Variants in MACROD1 observed in about 807,000 individuals in gnomAD.
MACROD1 encodes mono-ADP ribosylhydrolase 1, also known as ADP-ribose glycohydrolase MACROD1.
MACROD1 carries 31 observed loss-of-function variants against 41.4 expected under a neutral mutation model. That is an observed-to-expected ratio of 0.75 (90% CI 0.56 to 1.01). The LOEUF (loss-of-function observed/expected upper bound fraction) is 1.01, where lower values mean the gene tolerates loss of function less well. Ranked by LOEUF, MACROD1 falls within the 50% of genes least tolerant of loss-of-function variation. The probability of loss-of-function intolerance (pLI) is 0.00; values close to 1 mark genes in which losing one functional copy is unlikely to be tolerated. For missense variants in MACROD1, 473 were observed against 460.0 expected, an observed-to-expected ratio of 1.03 and a Z score of -0.26; for synonymous variants, 252 against 203.4, an observed-to-expected ratio of 1.24 and a Z score of -2.03.
At position 64,146,282 on chromosome 11, in the gene MACROD1, G is replaced by A. The variant is rs985478955; in HGVS notation, c.517+4957C>T. 1.3e-5 allele frequency among the ~76,000 whole-genome samples: 2 copies of A among 152,106 alleles called. No homozygotes were observed. Among genetic ancestry groups the A allele is most frequent in the Non-Finnish European group, 2.9e-5 (2 of 68,002 alleles). On this transcript the variant is annotated intron_variant, in intron 3 of 10. Transcript: ENST00000255681. The surrounding 1 kb of genome is among the most constrained non-coding windows in gnomAD (Gnocchi z 4.7). ...CCCTAGTGGATACCCTGAGACCGGC[G>A]CTCTCCCCAGACACAGGACTGAGGT...
intron 3 of MACROD1, among the ~76,000 whole-genome samples, chr11:64,138,846 C>T (rs1226372008): frequency 1.3e-5 from 2 of 152,078 alleles, no homozygotes; most frequent in African/African-American, 4.8e-5. Flanking sequence ...CAGCTCACTG[C>T]AACTTCTGCC....
chr11:64,039,420 C>T (rs376159097), intron 3 of MACROD1, among the ~76,000 whole-genome samples: 4 of 152,088 alleles, frequency 2.6e-5, no homozygotes, highest in Non-Finnish European at 5.9e-5. Flanking sequence ...CGGGTGGTAG[C>T]GGGGGGTCCC....
chr11:64,056,132 G>A (rs769889176), intron 3 of MACROD1, among the ~76,000 whole-genome samples: 17 of 152,252 alleles, frequency 1.1e-4, no homozygotes, highest in Non-Finnish European at 1.9e-4. Flanking sequence ...AAGCAGCCCC[G>A]GCAGTTGGGA....
chr11:64,024,170 C>T (rs1054944980), intron 3 of MACROD1, among the ~76,000 whole-genome samples: 4 of 152,216 alleles, frequency 2.6e-5, no homozygotes, highest in Admixed American at 6.5e-5. Context: ...ACAAGAGAAA[C>T]GCAAGTCAGC....
At chr11:64,007,185 G>C (rs1323124673) in intron 4 of MACROD1, among the ~76,000 whole-genome samples, 3 of 152,198 alleles carry the variant, frequency 2.0e-5, no homozygotes, top group Non-Finnish European at 2.9e-5. Flanking sequence ...CAAAAAATGC[G>C]TACGAGGGCT....
chr11:64,144,977 G>A (rs975765389), intron 3 of MACROD1, among the ~76,000 whole-genome samples: 1 of 152,204 alleles, frequency 6.6e-6, no homozygotes, highest in African/African-American at 2.4e-5. Flanking sequence ...GGACGCAGGG[G>A]CGGGTGGCCG....
At chr11:64,033,064 A>C (rs745393928) in intron 3 of MACROD1, among the ~76,000 whole-genome samples, 1 of 152,078 alleles carries the variant, frequency 6.6e-6, no homozygotes, top group East Asian at 1.9e-4. Flanking sequence ...TCCAAGACCC[A>C]GGTCAAGAGG....
At chr11:64,086,844 G>A (rs1256133940) in intron 3 of MACROD1, 2 of 152,192 alleles carry the variant, frequency 1.3e-5, no homozygotes, top group Non-Finnish European at 2.9e-5. Flanking sequence ...CGGTGCTAGG[G>A]GTGGCGGCTG....
intron 3 of MACROD1, among the ~76,000 whole-genome samples, chr11:64,132,273 T>C (rs910906737): frequency 6.6e-6 from 1 of 151,994 alleles, no homozygotes; most frequent in Non-Finnish European, 1.5e-5. Context: ...AAGCCTATTA[T>C]GGAGGCTCCC....
rs193279280 is a variant in MACROD1, at chr11:64,002,459, C to T, written c.548-2116G>A. 4.2e-4 allele frequency among the ~76,000 whole-genome samples: 64 copies of T among 152,296 alleles called. 1 individual carries two copies. The East Asian group carries it at 0.012, about 28-fold the overall frequency. On this transcript the variant is annotated intron_variant, in intron 4 of 10. Transcript: ENST00000255681. ...CCAGATGCCCCCTCCTCACCCCCAG[C>T]AGTTCCAGAACAGGGCCTGGGCCAG...
At chr11:64,100,657 A>T (rs1944655518) in intron 3 of MACROD1, among the ~76,000 whole-genome samples, 1 of 152,216 alleles carries the variant, frequency 6.6e-6, no homozygotes, top group Non-Finnish European at 1.5e-5. Flanking sequence ...ACTAATGATC[A>T]TCATTATGCG....
chr11:64,042,214 C>T (rs1943501222), intron 3 of MACROD1, among the ~76,000 whole-genome samples: 2 of 152,202 alleles, frequency 1.3e-5, no homozygotes, highest in African/African-American at 4.8e-5. Context: ...ACCTAACCCA[C>T]CTTCCTCTCC....
At chr11:64,088,270 C>T (rs1347354575) in intron 3 of MACROD1, among the ~76,000 whole-genome samples, 2 of 152,122 alleles carry the variant, frequency 1.3e-5, no homozygotes, top group Non-Finnish European at 2.9e-5. Context: ...CCAGGGGAGC[C>T]GTAGCCAGGA....
chr11:64,110,759 C>T (rs1944847987), intron 3 of MACROD1, among the ~76,000 whole-genome samples: 1 of 152,148 alleles, frequency 6.6e-6, no homozygotes, highest in Non-Finnish European at 1.5e-5. Context: ...ACAAGCGATC[C>T]CATAAAAGAT....
At chr11:64,008,915 G>A (rs1942958086) in intron 4 of MACROD1, 1 of 152,256 alleles carries the variant, frequency 6.6e-6, no homozygotes, top group African/African-American at 2.4e-5. Context: ...CCAGGCCGGA[G>A]TAGAGATGGC....
intron 3 of MACROD1, among the ~76,000 whole-genome samples, chr11:64,109,425 C>A (rs1164009039): frequency 6.6e-6 from 1 of 152,144 alleles, no homozygotes; most frequent in African/African-American, 2.4e-5. Flanking sequence ...GGCCTCTCCC[C>A]ACTCGTGACA....
intron 3 of MACROD1, among the ~76,000 whole-genome samples, chr11:64,017,598 G>A (rs913352899): frequency 6.6e-6 from 1 of 152,136 alleles, no homozygotes. Context: ...AGCCCCAGAT[G>A]CAGCCTCCAC....
chr11:64,084,002 G>C lies in MACROD1; in HGVS notation c.517+67237C>G, dbSNP rs561069018. On this transcript the variant is annotated intron_variant, in intron 3 of 10. Coordinates refer to ENST00000255681, the MANE Select transcript of MACROD1 (RefSeq NM_014067.4). ...TTTACACAACTGGAACACGTGCTGGGTTCCGGCCTTTCACTGGTCCCTCAG... is the reference window on the plus strand; with the variant it reads ...TTTACACAACTGGAACACGTGCTGGCTTCCGGCCTTTCACTGGTCCCTCAG... Among the ~76,000 whole-genome samples, 3 of 32,738 alleles carry C rather than the reference G, an allele frequency of 9.2e-5. No individual in the cohort carries two copies. In the East Asian group the frequency reaches 1.3e-3, roughly 14 times the overall value. The allele number at this position is 32,738 out of a possible 152,430, so 21.5% of individuals were successfully genotyped here.
intron 3 of MACROD1, among the ~76,000 whole-genome samples, chr11:64,131,597 A>AT (rs1945267020): frequency 6.6e-6 from 1 of 152,136 alleles, no homozygotes; most frequent in Admixed American, 6.5e-5. Context: ...AAGTGCTGGG[A>AT]TTACAGGAGT....
Sources: allele counts gnomAD v4.1 joint callset (sites outside exome capture counted in the v4.1 genomes callset), GRCh38; gene constraint gnomAD v4.1.1; non-coding constraint Gnocchi (gnomAD v3.1); transcripts MANE v1.5; gene names NCBI Gene and HGNC (gene_info 2026-07-23, HGNC 2026-07-21).